Variants in MARVELD3 observed in about 807,000 individuals in gnomAD.
The protein encoded by MARVELD3 is MARVEL domain-containing protein 3.
In MARVELD3, 28 loss-of-function variants were observed where a neutral mutation model predicts 33.5. The ratio of observed to expected loss-of-function variants is 0.84; its 90% CI spans 0.62 to 1.15. The LOEUF is 1.15. MARVELD3 is among the 50% of genes most tolerant of loss of function. MARVELD3 has a pLI of 0.00. For missense variants in MARVELD3, 582 were observed against 547.6 expected, an observed-to-expected ratio of 1.06 and a Z score of -0.63; for synonymous variants, 241 against 230.4, an observed-to-expected ratio of 1.05 and a Z score of -0.42.
chr16:71,640,358 C>A, downstream of MARVELD3: 1 of 1,603,098 alleles, frequency 6.2e-7, no homozygotes, highest in South Asian at 1.1e-5. Flanking sequence ...TGAGTAATGT[C>A]AGTGTTAAAG....
chr16:71,628,900 T>C (rs929285117), intron 1 of MARVELD3, among the ~76,000 whole-genome samples: 1 of 151,964 alleles, frequency 6.6e-6, no homozygotes, highest in Non-Finnish European at 1.5e-5. Flanking sequence ...GAGGAGGAAA[T>C]GATGTGATGA....
At chr16:71,640,526 C>G (rs367694179), downstream of MARVELD3, 1 of 1,614,134 alleles carries the variant, frequency 6.2e-7, no homozygotes, top group African/African-American at 1.3e-5. Flanking sequence ...ACTCACCGTT[C>G]GAGGGCACTG....
chr16:71,635,244 G>C lies in MARVELD3; in HGVS notation c.*441G>C, dbSNP rs554267222. 1 of 854,244 alleles carries C rather than the reference G, an allele frequency of 1.2e-6. No individual in the cohort carries two copies. Among genetic ancestry groups the C allele is most frequent in the Non-Finnish European group, 1.4e-6 (1 of 710,484 alleles). 52.9% of individuals were successfully genotyped at this position (854,244 alleles called of 1,614,324 possible). A position where few individuals can be genotyped will look rare whatever the true frequency, so the allele number is the denominator to read the frequency against. On this transcript the variant is annotated 3_prime_UTR_variant, in exon 3 of 3. Coordinates refer to ENST00000268485, the MANE Select transcript of MARVELD3 (RefSeq NM_052858.6). The stretch of plus-strand genomic sequence containing the variant: ...CTTGGGAGGCTGAGGCAGGAGAATC[G>C]CTTGAATCTGGGAGGCGGAGATTGC...
At chr16:71,638,913 T>C (rs1331137177), downstream of MARVELD3, 2 of 152,248 alleles carry the variant, frequency 1.3e-5, no homozygotes, top group Admixed American at 6.6e-5. Flanking sequence ...TAAGTCTTCA[T>C]AGTCACATCC....
intron 2 of MARVELD3, among the ~76,000 whole-genome samples, chr16:71,633,722 A>G (rs1379716568): frequency 7.1e-6 from 1 of 140,116 alleles, no homozygotes; most frequent in Non-Finnish European, 1.5e-5. Context: ...TTTAAATTAG[A>G]GATGGGGTAT....
intron 2 of MARVELD3, 58 bp downstream of exon 2, chr16:71,629,552 T>A (rs2044508117): frequency 6.7e-7 from 1 of 1,492,986 alleles, no homozygotes; most frequent in Admixed American, 2.7e-5. Flanking sequence ...CTGGAAGGGA[T>A]GGTCTGAGCT....
chr16:71,640,789 A>G (rs2044612607), downstream of MARVELD3: 4 of 1,614,108 alleles, frequency 2.5e-6, no homozygotes, highest in Middle Eastern at 4.9e-4. Context: ...AATAGCACCG[A>G]CACTTGCAAA....
At position 71,634,954 on chromosome 16, in the gene MARVELD3, G is replaced by C; in HGVS notation, c.*151G>C. Reference sequence around the variant, plus strand: ...GGTGGGCGGAGCTCCCAGTCGCATGGAGCGGTGTTCATGGATGCAACAGAC... The same window carrying C: ...GGTGGGCGGAGCTCCCAGTCGCATGCAGCGGTGTTCATGGATGCAACAGAC... On this transcript the variant is annotated 3_prime_UTR_variant, in exon 3 of 3. Coordinates refer to ENST00000268485, the MANE Select transcript of MARVELD3 (RefSeq NM_052858.6). 7.0e-7 allele frequency: 1 copy of C among 1,430,540 alleles called. No individual in the cohort carries two copies. Among genetic ancestry groups the C allele is most frequent in the Non-Finnish European group, 9.1e-7 (1 of 1,094,630 alleles). 88.6% of individuals were successfully genotyped at this position (1,430,540 alleles called of 1,614,324 possible).
chr16:71,634,426 A>G lies in MARVELD3; in HGVS notation c.829A>G (p.Ser277Gly), dbSNP rs1407149340. 1 of 1,614,080 alleles carries G rather than the reference A, an allele frequency of 6.2e-7. No homozygotes were observed. Among genetic ancestry groups the G allele is most frequent in the African/African-American group, 1.3e-5 (1 of 74,928 alleles). ...LPMVTVAMAC[S>G]GALTALCCLF... ...CATGGTCACTGTGGCAATGGCCTGT[A>G]GTGGAGCCCTCACAGCCCTCTGCTG... The change falls in exon 3 of 3, where the codon AGT (serine) becomes GGT (glycine). Residue 277 changes from serine to glycine, a missense_variant. Physicochemically the swap from Ser to Gly is moderately conservative, Grantham distance 56. Transcript: ENST00000268485.
chr16:71,629,514 G>A lies in MARVELD3; in HGVS notation c.595+20G>A, dbSNP rs775422900. Reference sequence around the variant, plus strand: ...GGAGAGGTGAGCCGTTTTGCAGGCTGTTTGATCATTTACTGTCACTGGTGG... The same window carrying A: ...GGAGAGGTGAGCCGTTTTGCAGGCTATTTGATCATTTACTGTCACTGGTGG... On this transcript the variant is annotated intron_variant, in intron 2 of 2. Coordinates refer to ENST00000268485, the MANE Select transcript of MARVELD3 (RefSeq NM_052858.6). 23 of 1,550,348 alleles carry A rather than the reference G, an allele frequency of 1.5e-5. No individual in the cohort carries two copies. The highest frequency in any genetic ancestry group is 2.0e-5 in the Non-Finnish European group (23 of 1,155,802).
chr16:71,639,346 C>A (rs1190440830), downstream of MARVELD3: 1 of 151,612 alleles, frequency 6.6e-6, no homozygotes, highest in Non-Finnish European at 1.5e-5. Flanking sequence ...GCTGGGATTA[C>A]AGGCATGAGC....
At chr16:71,632,957 G>A (rs924123334) in intron 2 of MARVELD3, among the ~76,000 whole-genome samples, 3 of 152,070 alleles carry the variant, frequency 2.0e-5, no homozygotes, top group African/African-American at 7.2e-5. Context: ...ACATTTTGAT[G>A]TATAACTTCC....
At chr16:71,638,055 G>C (rs1021893430), downstream of MARVELD3, 1 of 152,168 alleles carries the variant, frequency 6.6e-6, no homozygotes, top group African/African-American at 2.4e-5. Flanking sequence ...GCGGGGACTT[G>C]AACCTGGTGG....
chr16:71,629,063 A>C (rs1279211331), intron 1 of MARVELD3: 1 of 324,378 alleles, frequency 3.1e-6, no homozygotes, highest in Non-Finnish European at 5.5e-6. Context: ...GTGCATGCTG[A>C]ACTGAGAACT....
intron 2 of MARVELD3, among the ~76,000 whole-genome samples, chr16:71,631,540 T>C (rs1478931623): frequency 6.6e-6 from 1 of 151,850 alleles, no homozygotes; most frequent in Non-Finnish European, 1.5e-5. Flanking sequence ...GCCTCCCGGG[T>C]GCCAGTTGAA....
In MARVELD3 at chr16:71,626,697, G is replaced by C. The variant is rs1366645889; in HGVS notation, c.467+1G>C. Reference sequence around the variant, plus strand: ...ACCCCGGGCGCCGCAGACCCGAAAGGTGAGAGGGGCCGGGGCGCTGCGACC... The same window carrying C: ...ACCCCGGGCGCCGCAGACCCGAAAGCTGAGAGGGGCCGGGGCGCTGCGACC... On this transcript the variant is annotated splice_donor_variant, in intron 1 of 2. Coordinates refer to ENST00000268485, the MANE Select transcript of MARVELD3 (RefSeq NM_052858.6). LOFTEE classifies it high-confidence loss of function. This position sits in a 1 kb window ranked among gnomAD's most constrained non-coding sequence, Gnocchi z 5.3. The C allele has an allele frequency of 3.4e-6, 5 of 1,473,020 alleles. No individual in the cohort carries two copies. Among genetic ancestry groups the C allele is most frequent in the Admixed American group, 4.9e-5 (2 of 40,632 alleles). 91.2% of individuals were successfully genotyped at this position (1,473,020 alleles called of 1,614,324 possible).
chr16:71,638,737 G>A (rs1188359521), downstream of MARVELD3: 1 of 152,118 alleles, frequency 6.6e-6, no homozygotes, highest in African/African-American at 2.4e-5. Flanking sequence ...ACAATATCAA[G>A]ACCAGGAAAG....
rs1191577079 is a variant in MARVELD3 at position 71,626,481 on chromosome 16, C to T, written c.252C>T (p.Asp84=). The part of the protein sequence containing the change: ...DRERERERER[D]PDRGPRRDTH... The stretch of plus-strand genomic sequence containing the variant: ...AGAGGGAGAGAGAGAGGGAAAGAGA[C>T]CCGGACCGAGGCCCCCGCCGGGACA... The change falls in exon 1 of 3, where the codon GAC becomes GAT. Residue 84 remains aspartate (D), a synonymous_variant. Transcript: ENST00000268485. This position sits in a 1 kb window ranked among gnomAD's most constrained non-coding sequence, Gnocchi z 5.3. The T allele has an allele frequency of 1.3e-6, 2 of 1,549,520 alleles. No homozygotes were observed.
Position 71,634,369 on chromosome 16 carries a change from C to A in MARVELD3, c.772C>A (p.Leu258Met). The stretch of plus-strand genomic sequence containing the variant: ...TGCTGACGGGGAGAAGGCCCAGCAA[C>A]TGGATGTCCAGTTCTACCAGCTAAA... ...DGADGEKAQQLDVQFYQLKLP... is the reference protein window; with the variant it reads ...DGADGEKAQQMDVQFYQLKLP... Residue 258 changes from leucine to methionine, a missense_variant, in exon 3 of 3, where the codon CTG becomes ATG. Physicochemically the swap from Leu to Met is conservative, Grantham distance 15. Transcript: ENST00000268485. 6.2e-7 allele frequency: 1 copy of A among 1,614,216 alleles called. No individual in the cohort carries two copies. Among genetic ancestry groups the A allele is most frequent in the South Asian group, 1.1e-5 (1 of 91,086 alleles).
Sources: allele counts gnomAD v4.1 joint callset (sites outside exome capture counted in the v4.1 genomes callset), GRCh38; gene constraint gnomAD v4.1.1; non-coding constraint Gnocchi (gnomAD v3.1); transcripts MANE v1.5; gene names NCBI Gene and HGNC (gene_info 2026-07-23, HGNC 2026-07-21).